RNF157: variants seen among roughly 807,000 people sequenced by gnomAD.
RNF157 encodes E3 ubiquitin ligase RNF157.
In RNF157, 55 loss-of-function variants were observed where a neutral mutation model predicts 88.3. The observed-to-expected ratio is 0.62, with a 90% CI of 0.50 to 0.78. The LOEUF (loss-of-function observed/expected upper bound fraction) is 0.78. Among genes scored for constraint, RNF157 ranks in the 30% least tolerant of loss-of-function variants. The pLI, the probability that RNF157 is intolerant of heterozygous loss-of-function variation, is 0.00. For synonymous variants in RNF157, 334 were observed against 341.2 expected (o/e 0.98, Z 0.23); for missense variants, 788 against 860.8 (o/e 0.92, Z 1.06).
intron 2 of RNF157, among the ~76,000 whole-genome samples, chr17:76,179,922 T>C (rs566463817): frequency 6.6e-6 from 1 of 152,326 alleles, no homozygotes; most frequent in African/African-American, 2.4e-5. Context: ...CTGTTTTCTT[T>C]TTTAGAGTCT....
intron 13 of RNF157, 92 bp from the exon 14 acceptor site, chr17:76,156,413 T>G (rs1598389937): frequency 1.3e-6 from 2 of 1,567,378 alleles, no homozygotes; most frequent in Admixed American, 3.9e-5. Flanking sequence ...TGGGTAGAGA[T>G]GAGGAGGAAA....
chr17:76,229,429 G>T (rs778285342), intron 1 of RNF157, among the ~76,000 whole-genome samples: 1 of 152,168 alleles, frequency 6.6e-6, no homozygotes, highest in Non-Finnish European at 1.5e-5. Context: ...ACAGATTATT[G>T]TTGAGATCAA....
chr17:76,208,317 C>T (rs1301537932), intron 2 of RNF157, among the ~76,000 whole-genome samples: 2 of 152,194 alleles, frequency 1.3e-5, no homozygotes, highest in East Asian at 3.8e-4. Context: ...TCTGAGTACA[C>T]CTGGCCTAAT....
intron 1 of RNF157, among the ~76,000 whole-genome samples, chr17:76,214,364 C>G (rs1246916783): frequency 6.6e-6 from 1 of 152,064 alleles, no homozygotes; most frequent in Non-Finnish European, 1.5e-5. Context: ...AGTTTTTTTC[C>G]TATATCCGCA....
chr17:76,178,350 G>A (rs530531318), intron 2 of RNF157, among the ~76,000 whole-genome samples: 12 of 152,206 alleles, frequency 7.9e-5, no homozygotes, highest in Non-Finnish European at 1.2e-4. Context: ...CCACAGCCTC[G>A]CAGACAGCTG....
chr17:76,226,783 G>C, intron 1 of RNF157: 3 of 1,562,450 alleles, frequency 1.9e-6, no homozygotes, highest in Non-Finnish European at 2.6e-6. Flanking sequence ...ACACCTCGTT[G>C]CTCAGGAAGC....
chr17:76,226,076 C>T, intron 1 of RNF157: 11 of 1,602,608 alleles, frequency 6.9e-6, no homozygotes. Flanking sequence ...TGGGAGGCTC[C>T]TATTTGGAGA....
chr17:76,198,086 C>G (rs1037712314), intron 2 of RNF157, among the ~76,000 whole-genome samples: 4 of 152,196 alleles, frequency 2.6e-5, no homozygotes, highest in African/African-American at 4.8e-5. Context: ...GGCCACCCAA[C>G]CATAATTAGG....
chr17:76,204,716 T>C (rs2069648215), intron 2 of RNF157, among the ~76,000 whole-genome samples: 2 of 152,126 alleles, frequency 1.3e-5, no homozygotes, highest in Admixed American at 1.3e-4. Flanking sequence ...CAACTTTTGG[T>C]CTATCTGTAC....
Position 76,155,586 on chromosome 17 carries a change from G to C in RNF157, c.1674C>G (p.Ser558Arg). The change falls in exon 15 of 19, where the codon AGC becomes AGG. Residue 558 changes from serine (S) to arginine (R), a missense_variant. By Grantham distance (110) the Ser-to-Arg change is moderately radical. Coordinates refer to ENST00000269391, the MANE Select transcript of RNF157 (RefSeq NM_052916.3). Reference protein sequence around the residue: ...GEALSSPQPASRAPSEEGEGL... With the variant: ...GEALSSPQPARRAPSEEGEGL... ...CCTCTCCTTCTTCTGAGGGGGCCCTGCTGGCAGGCTGGGGGGAAGAGAGAG... is the reference window on the plus strand; with the variant it reads ...CCTCTCCTTCTTCTGAGGGGGCCCTCCTGGCAGGCTGGGGGGAAGAGAGAG... 2 of 1,612,626 alleles carry C rather than the reference G, an allele frequency of 1.2e-6. No homozygotes were observed. The highest frequency in any genetic ancestry group is 1.7e-6 in the Non-Finnish European group (2 of 1,179,626).
At chr17:76,167,387 A>C (rs1472115090) in intron 4 of RNF157, among the ~76,000 whole-genome samples, 1 of 152,208 alleles carries the variant, frequency 6.6e-6, no homozygotes, top group Non-Finnish European at 1.5e-5. Context: ...TTGTCACTAT[A>C]CCAAGATGGC....
chr17:76,212,327 T>A, intron 2 of RNF157, 37 bp downstream of exon 2: 1 of 1,408,740 alleles, frequency 7.1e-7, no homozygotes, highest in South Asian at 1.2e-5. Flanking sequence ...ATTGGCCACT[T>A]AAGCTCCAAG....
intron 2 of RNF157, among the ~76,000 whole-genome samples, chr17:76,181,091 G>A (rs146683833): frequency 8.5e-4 from 130 of 152,250 alleles, no homozygotes; most frequent in African/African-American, 3.0e-3. Context: ...ATGAGCAGCA[G>A]AACCACAATT....
chr17:76,180,331 A>G (rs1030696924), intron 2 of RNF157, among the ~76,000 whole-genome samples: 1 of 152,194 alleles, frequency 6.6e-6, no homozygotes, highest in African/African-American at 2.4e-5. Flanking sequence ...GGGACCAAAC[A>G]TTAAGTGTGA....
chr17:76,147,821 A>C (rs1043481808), intron 18 of RNF157, among the ~76,000 whole-genome samples: 1 of 152,206 alleles, frequency 6.6e-6, no homozygotes, highest in Non-Finnish European at 1.5e-5. Context: ...CAAAAAATGG[A>C]GCACAGAGAT....
chr17:76,215,474 G>GA (rs1052531074), intron 1 of RNF157, among the ~76,000 whole-genome samples: 56 of 44,460 alleles, frequency 1.3e-3, no homozygotes, highest in Middle Eastern at 0.025. Context: ...CCCTCTCTAA[G>GA]AAAAAAAAAA....
chr17:76,211,053 C>A (rs1224735809), intron 2 of RNF157, among the ~76,000 whole-genome samples: 1 of 152,198 alleles, frequency 6.6e-6, no homozygotes, highest in Non-Finnish European at 1.5e-5. Flanking sequence ...GATCTGTCCA[C>A]CTCGGCCTCC....
intron 2 of RNF157, among the ~76,000 whole-genome samples, chr17:76,181,655 C>T (rs2069189521): frequency 6.6e-6 from 1 of 152,088 alleles, no homozygotes; most frequent in South Asian, 2.1e-4. Flanking sequence ...CACATCTAAT[C>T]CCAGCACTTT....
rs570561613 is a variant in RNF157 at position 76,145,933 on chromosome 17, C to T, written c.1922-580G>A. ...CCGTTTTCCTCTCCTCCTGCACCTA[C>T]GCAGCTGTTGAGGTTTGCTACTAGC... On this transcript the variant is annotated intron_variant, in intron 18 of 18. Coordinates refer to ENST00000269391, the MANE Select transcript of RNF157 (RefSeq NM_052916.3). 2.0e-4 allele frequency among the ~76,000 whole-genome samples: 30 copies of T among 152,276 alleles called. No individual in the cohort carries two copies. The South Asian group carries it at 4.4e-3, about 22-fold the overall frequency.
Sources: allele counts gnomAD v4.1 joint callset (sites outside exome capture counted in the v4.1 genomes callset), GRCh38; gene constraint gnomAD v4.1.1; transcripts MANE v1.5; gene names NCBI Gene and HGNC (gene_info 2026-07-23, HGNC 2026-07-21).